Variants in ZBTB7C observed in about 807,000 individuals in gnomAD.
The protein encoded by ZBTB7C is zinc finger and BTB domain containing 7C.
A neutral mutation model predicts 25.7 loss-of-function variants in ZBTB7C; 8 were observed. That is an observed-to-expected ratio of 0.31 (90% CI 0.18 to 0.56). The LOEUF (loss-of-function observed/expected upper bound fraction) is 0.56, where lower values mean the gene tolerates loss of function less well. Ranked by LOEUF, ZBTB7C falls within the 20% of genes least tolerant of loss-of-function variation. ZBTB7C has a pLI of 0.91. For missense variants in ZBTB7C, 824 were observed against 855.2 expected (o/e 0.96, Z 0.46); for synonymous variants, 394 against 369.0 (o/e 1.07, Z -0.78).
At chr18:48,282,183 C>T (rs1302372070) in intron 2 of ZBTB7C, among the ~76,000 whole-genome samples, 2 of 148,638 alleles carry the variant, frequency 1.3e-5, no homozygotes, top group African/African-American at 5.1e-5. Context: ...AAATTGGAAA[C>T]CATCATTCTC....
intron 3 of ZBTB7C, among the ~76,000 whole-genome samples, chr18:48,181,237 A>T (rs1438280170): frequency 6.6e-6 from 1 of 152,150 alleles, no homozygotes; most frequent in Non-Finnish European, 1.5e-5. Flanking sequence ...ACTCTGAGCT[A>T]ATGCTGTTCA....
In ZBTB7C at chr18:48,039,926, G is replaced by T; in HGVS notation, c.1182C>A (p.Cys394Ter). The change falls in exon 4 of 5, where the codon TGC becomes TGA. Residue 394 changes from cysteine to a stop codon, truncating the protein, a stop_gained. Coordinates refer to ENST00000590800, the MANE Select transcript of ZBTB7C (RefSeq NM_001318841.2). LOFTEE classifies it low-confidence loss of function (END_TRUNC). The stretch of plus-strand genomic sequence containing the variant: ...TGGTGAAGCGGACCTCGCAGATGGT[G>T]CACATGTATGGCTTCTCCCCGGTAT... ...RTHTGEKPYM[C>*]TICEVRFTRQ... The T allele has an allele frequency of 6.2e-7, 1 of 1,613,382 alleles. No individual in the cohort carries two copies.
intron 4 of ZBTB7C, among the ~76,000 whole-genome samples, chr18:48,032,740 A>T (rs2035819663): frequency 6.6e-6 from 1 of 152,052 alleles, no homozygotes; most frequent in African/African-American, 2.4e-5. Context: ...CTGGCCAGGT[A>T]GGTTTTTTTT....
chr18:48,052,977 C>A (rs1188954786), intron 3 of ZBTB7C, among the ~76,000 whole-genome samples: 1 of 152,176 alleles, frequency 6.6e-6, no homozygotes, highest in Non-Finnish European at 1.5e-5. Flanking sequence ...CCTCCCACCC[C>A]CTTCACTTTA....
intron 1 of ZBTB7C, among the ~76,000 whole-genome samples, chr18:48,378,696 A>T (rs556053920): frequency 3.3e-5 from 5 of 152,058 alleles, no homozygotes; most frequent in African/African-American, 1.2e-4. Flanking sequence ...AAAAAAACTT[A>T]AAAAAAATTA....
In ZBTB7C at chr18:48,357,391, C is replaced by G. The variant is rs368965275; in HGVS notation, c.-303-18993G>C. Among the ~76,000 whole-genome samples the G allele has an allele frequency of 2.8e-4, 43 of 152,310 alleles. No homozygotes were observed. The South Asian group carries it at 8.3e-3, about 29-fold the overall frequency. On this transcript the variant is annotated intron_variant, in intron 1 of 4. Coordinates refer to ENST00000590800, the MANE Select transcript of ZBTB7C (RefSeq NM_001318841.2). ...GCTGGGAACTGGGACGCAGAGCTCA[C>G]ACTTCCTCACCTCTCCCTCCCAGGA...
chr18:48,300,712 C>T (rs2045522716), intron 2 of ZBTB7C, among the ~76,000 whole-genome samples: 1 of 152,230 alleles, frequency 6.6e-6, no homozygotes, highest in South Asian at 2.1e-4. Flanking sequence ...TTTCAAACCT[C>T]CACAAGTAGG....
intron 3 of ZBTB7C, among the ~76,000 whole-genome samples, chr18:48,102,845 A>G (rs1598882015): frequency 6.6e-6 from 1 of 151,694 alleles, no homozygotes; most frequent in African/African-American, 2.4e-5. Flanking sequence ...GTAGTCAACA[A>G]CCCTCACTAG....
intron 3 of ZBTB7C, among the ~76,000 whole-genome samples, chr18:48,103,956 G>T (rs890649338): frequency 6.6e-6 from 1 of 152,186 alleles, no homozygotes; most frequent in Non-Finnish European, 1.5e-5. Flanking sequence ...GGAAATGGGG[G>T]AGTAACTGCT....
intron 2 of ZBTB7C, among the ~76,000 whole-genome samples, chr18:48,336,065 T>C (rs1450350222): frequency 6.6e-6 from 1 of 152,162 alleles, no homozygotes; most frequent in Admixed American, 6.5e-5. Flanking sequence ...ATTCGGAGAA[T>C]GTCCTCTTTT....
At chr18:48,240,395 C>T (rs921184582) in intron 2 of ZBTB7C, among the ~76,000 whole-genome samples, 2 of 152,164 alleles carry the variant, frequency 1.3e-5, no homozygotes, top group Non-Finnish European at 2.9e-5. Context: ...ACATAGTCAT[C>T]AGGTTATCTA....
At chr18:48,083,538 G>C (rs2038073144) in intron 3 of ZBTB7C, among the ~76,000 whole-genome samples, 1 of 152,156 alleles carries the variant, frequency 6.6e-6, no homozygotes. Context: ...GTACGCTGGA[G>C]ACAGAGAGAA....
intron 3 of ZBTB7C, among the ~76,000 whole-genome samples, chr18:48,089,164 T>C (rs1399915321): frequency 1.3e-5 from 2 of 152,168 alleles, no homozygotes; most frequent in South Asian, 2.1e-4. Context: ...CTCCCAACCA[T>C]GGACTTCTAA....
In ZBTB7C at chr18:48,151,272, C is replaced by T. The variant is rs912326770; in HGVS notation, c.-17+34662G>A. ...GTGGACACGGCATGACATACTTAACCGCTCCTCTACTCTGGGACACCGGGA... is the reference window on the plus strand; with the variant it reads ...GTGGACACGGCATGACATACTTAACTGCTCCTCTACTCTGGGACACCGGGA... On this transcript the variant is annotated intron_variant, in intron 3 of 4. Coordinates refer to ENST00000590800, the MANE Select transcript of ZBTB7C (RefSeq NM_001318841.2). Among the ~76,000 whole-genome samples the T allele has an allele frequency of 3.9e-5, 6 of 152,104 alleles. No homozygotes were observed. In the South Asian group the frequency reaches 1.0e-3, roughly 26 times the overall value.
intron 2 of ZBTB7C, among the ~76,000 whole-genome samples, chr18:48,227,030 A>G (rs1336651230): frequency 6.6e-6 from 1 of 150,888 alleles, no homozygotes; most frequent in African/African-American, 2.4e-5. Context: ...AAAAAAAAAA[A>G]AAAAAAAAGA....
chr18:48,397,723 T>C (rs2048062414), intron 1 of ZBTB7C, among the ~76,000 whole-genome samples: 1 of 152,208 alleles, frequency 6.6e-6, no homozygotes, highest in Non-Finnish European at 1.5e-5. Context: ...GACTCTCTTC[T>C]TTAAAATCTT....
intron 3 of ZBTB7C, among the ~76,000 whole-genome samples, chr18:48,057,358 G>T (rs1404653403): frequency 1.3e-5 from 2 of 152,044 alleles, no homozygotes; most frequent in Non-Finnish European, 2.9e-5. Flanking sequence ...ATCAATAGAG[G>T]CTTGCTAGAT....
chr18:48,205,889 GGCT>G (rs2042566203), intron 2 of ZBTB7C, among the ~76,000 whole-genome samples: 2 of 152,160 alleles, frequency 1.3e-5, no homozygotes, highest in South Asian at 4.2e-4. Context: ...CCCCAAGCTG[GGCT>G]GCTTTTTTAT....
intron 3 of ZBTB7C, among the ~76,000 whole-genome samples, chr18:48,086,577 C>T (rs2038199747): frequency 6.6e-6 from 1 of 152,240 alleles, no homozygotes; most frequent in Non-Finnish European, 1.5e-5. Flanking sequence ...GTCTCATCCA[C>T]CACAATGGAA....
Sources: allele counts gnomAD v4.1 joint callset (sites outside exome capture counted in the v4.1 genomes callset), GRCh38; gene constraint gnomAD v4.1.1; transcripts MANE v1.5; gene names NCBI Gene and HGNC (gene_info 2026-07-23, HGNC 2026-07-21).